The following DOCK8 variants were observed in gnomAD, a reference collection of about 807,000 sequenced individuals.
The protein encoded by DOCK8 is dedicator of cytokinesis 8.
In DOCK8, 141 loss-of-function variants were observed where a neutral mutation model predicts 245.6. The observed-to-expected ratio is 0.57, with a 90% CI of 0.50 to 0.66. DOCK8 has a LOEUF of 0.66. Among genes scored for constraint, DOCK8 ranks in the 30% least tolerant of loss-of-function variants. The pLI is 0.00. For missense variants in DOCK8, 2,965 were observed against 2,603.4 expected (o/e 1.14, Z -3.02); for synonymous variants, 1,168 against 970.2 (o/e 1.20, Z -3.79).
intron 7 of DOCK8, among the ~76,000 whole-genome samples, chr9:322,486 A>T (rs1025462924): frequency 2.0e-5 from 3 of 151,974 alleles, no homozygotes; most frequent in Non-Finnish European, 2.9e-5. Context: ...GCCAGTCCCT[A>T]ACTGTGTAGA....
chr9:354,230 G>T (rs2052317619), intron 14 of DOCK8, among the ~76,000 whole-genome samples: 1 of 152,140 alleles, frequency 6.6e-6, no homozygotes, highest in African/African-American at 2.4e-5. Flanking sequence ...TACTCGGGAG[G>T]CTGAGGCAGG....
rs183210582 is a variant in DOCK8 at position 330,300 on chromosome 9, G to A, written c.1045-2098G>A. Among the ~76,000 whole-genome samples the A allele has an allele frequency of 2.9e-3, 446 of 152,192 alleles. 1 individual carries two copies. The highest frequency in any genetic ancestry group is 4.5e-3 in the Non-Finnish European group (305 of 68,012). ...AAAATTGTTTAAAAATTGGTATGCC[G>A]TGCCCAATTTAAATATTTCATAAGT... On this transcript the variant is annotated intron_variant, in intron 9 of 47. Transcript: ENST00000432829.
At chr9:342,467 T>G (rs950862540) in intron 14 of DOCK8, among the ~76,000 whole-genome samples, 1 of 22,532 alleles carries the variant, frequency 4.4e-5, no homozygotes, top group African/African-American at 1.0e-4. Flanking sequence ...TGGGGTTTTT[T>G]TCGTTTTTTT....
chr9:347,979 C>A (rs960306694), intron 14 of DOCK8, among the ~76,000 whole-genome samples: 5 of 152,152 alleles, frequency 3.3e-5, no homozygotes, highest in African/African-American at 1.2e-4. Context: ...AAGTAGGACA[C>A]ATATTGTATT....
At chr9:393,085 CAAAAAAAAAAA>C (rs1159933739) in intron 24 of DOCK8, among the ~76,000 whole-genome samples, 122 of 44,750 alleles carry the variant, frequency 2.7e-3, no homozygotes, top group East Asian at 0.014. Flanking sequence ...GACCCTGTCT[CAAAAAAAAAAA>C]AAAAAAAAAA....
At position 339,161 on chromosome 9, in the gene DOCK8, T is replaced by A. The variant is rs150010766; in HGVS notation, c.1516+62T>A. On this transcript the variant is annotated intron_variant, in intron 13 of 47. Coordinates refer to ENST00000432829, the MANE Select transcript of DOCK8 (RefSeq NM_203447.4). ...CAAAACTGCTTATCGTTAGACACAG[T>A]CTTTGTCTAATGCCAGAATTTATAA... 7,292 of 1,352,136 alleles carry A rather than the reference T, an allele frequency of 5.4e-3. 74 individuals are homozygous for A. The highest frequency in any genetic ancestry group is 0.021 in the South Asian group (1,823 of 84,940). The allele number at this position is 1,352,136 out of a possible 1,614,324, so 83.8% of individuals were successfully genotyped here.
At chr9:271,033 G>T (rs1333386511) in intron 1 of DOCK8, among the ~76,000 whole-genome samples, 1 of 152,248 alleles carries the variant, frequency 6.6e-6, no homozygotes. Context: ...GCTCCCTAAA[G>T]TGTTGGCTGA....
chr9:447,165 A>G (rs569315089), intron 44 of DOCK8, among the ~76,000 whole-genome samples: 1 of 152,318 alleles, frequency 6.6e-6, no homozygotes, highest in East Asian at 1.9e-4. Flanking sequence ...TTAGCAGGAA[A>G]GACCTCTAAG....
chr9:219,918 A>G (rs188681113), intron 1 of DOCK8, among the ~76,000 whole-genome samples: 5 of 152,330 alleles, frequency 3.3e-5, no homozygotes, highest in East Asian at 1.9e-4. Flanking sequence ...AACAAACCCA[A>G]TAATTTTGGG....
chr9:312,753 G>A (rs957578896), intron 6 of DOCK8: 1 of 323,048 alleles, frequency 3.1e-6, no homozygotes, highest in Non-Finnish European at 5.9e-6. Flanking sequence ...TGTGGTCACT[G>A]CCTGAGGCAC....
chr9:307,084 AG>A (rs1416860162), intron 5 of DOCK8, among the ~76,000 whole-genome samples: 1 of 152,194 alleles, frequency 6.6e-6, no homozygotes, highest in Non-Finnish European at 1.5e-5. Context: ...GAATAGCAAG[AG>A]GAAGGAGCCA....
chr9:426,916 A>T lies in DOCK8; in HGVS notation c.4273A>T (p.Ile1425Phe), dbSNP rs749501370. 2.5e-6 allele frequency: 4 copies of T among 1,614,166 alleles called. No individual in the cohort carries two copies. The South Asian group carries it at 4.4e-5, about 18-fold the overall frequency. The change falls in exon 34 of 48, where the codon ATC (isoleucine) becomes TTC (phenylalanine). Residue 1425 changes from isoleucine (I) to phenylalanine (F), a missense_variant. Transcript: ENST00000432829. ...TKAELDQEALISGNLATEAHL... is the reference protein window; with the variant it reads ...TKAELDQEALFSGNLATEAHL... ...GGCCGAGTTAGATCAAGAAGCCTTG[A>T]TCAGTGGCAATCTGGCTACAGAAGC...
chr9:327,621 T>G (rs1438565105), intron 8 of DOCK8, among the ~76,000 whole-genome samples: 3 of 152,166 alleles, frequency 2.0e-5, no homozygotes, highest in Non-Finnish European at 2.9e-5. Context: ...GGTTTCAAAC[T>G]CGTGAGCTCA....
At position 400,963 on chromosome 9, in the gene DOCK8, C is replaced by T. The variant is rs975919902; in HGVS notation, c.3234+1704C>T. ...CCACCACCATCACCACCACCACCAC[C>T]ACCTCCTCCACCATCACCACCTCCT... is the stretch of plus-strand genomic sequence containing the variant. On this transcript the variant is annotated intron_variant, in intron 26 of 47. Transcript: ENST00000432829. 4.2e-4 allele frequency among the ~76,000 whole-genome samples: 25 copies of T among 59,420 alleles called. 3 individuals carry two copies. Among genetic ancestry groups the T allele is most frequent in the African/African-American group, 1.3e-3 (3 of 2,240 alleles). The allele number at this position is 59,420 out of a possible 152,430, so 39.0% of individuals were successfully genotyped here. A position where few individuals can be genotyped will look rare whatever the true frequency, so the allele number is the denominator to read the frequency against.
At chr9:304,831 C>G (rs927410442) in intron 5 of DOCK8, 127 bp downstream of exon 5, 2 of 1,316,524 alleles carry the variant, frequency 1.5e-6, no homozygotes, top group Non-Finnish European at 2.1e-6. Context: ...ACTTTACCAT[C>G]TGAGTCAGTG....
At chr9:236,944 C>G (rs1418681866) in intron 1 of DOCK8, among the ~76,000 whole-genome samples, 1 of 152,236 alleles carries the variant, frequency 6.6e-6, no homozygotes, top group African/African-American at 2.4e-5. Flanking sequence ...ACTCACACTT[C>G]CCTGGGGAGG....
intron 1 of DOCK8, among the ~76,000 whole-genome samples, chr9:241,458 G>A (rs1422527950): frequency 6.6e-6 from 1 of 152,120 alleles, no homozygotes; most frequent in African/African-American, 2.4e-5. Context: ...TTTAGCTTCT[G>A]CATGTGAGTG....
At chr9:392,266 G>A (rs2054234945) in intron 24 of DOCK8, among the ~76,000 whole-genome samples, 1 of 152,114 alleles carries the variant, frequency 6.6e-6, no homozygotes, top group Non-Finnish European at 1.5e-5. Context: ...AGAGAACAAA[G>A]GGCAAAGGAA....
At chr9:464,042 AC>A in intron 47 of DOCK8, 116 bp from the exon 48 acceptor site, 1 of 888,086 alleles carries the variant, frequency 1.1e-6, no homozygotes, top group Admixed American at 1.7e-5. Context: ...GTTGTCCATG[AC>A]TGATGTCCAT....
Sources: allele counts gnomAD v4.1 joint callset (sites outside exome capture counted in the v4.1 genomes callset), GRCh38; gene constraint gnomAD v4.1.1; transcripts MANE v1.5; gene names NCBI Gene and HGNC (gene_info 2026-07-23, HGNC 2026-07-21).